The following JAK2 variants were observed in gnomAD, a reference collection of about 807,000 sequenced individuals.
The protein encoded by JAK2 is Janus kinase 2, also known as tyrosine-protein kinase JAK2.
JAK2 carries 86 observed loss-of-function variants against 139.3 expected under a neutral mutation model. The ratio of observed to expected loss-of-function variants is 0.62; its 90% CI spans 0.52 to 0.74. The LOEUF (loss-of-function observed/expected upper bound fraction) is 0.74. Among genes scored for constraint, JAK2 ranks in the 30% least tolerant of loss-of-function variants. The pLI is 0.00. For synonymous variants in JAK2, 490 were observed against 437.7 expected (o/e 1.12, Z -1.49); for missense variants, 1,421 against 1,360.3 (o/e 1.04, Z -0.70).
intron 4 of JAK2, among the ~76,000 whole-genome samples, chr9:5,030,421 T>C (rs1027177388): frequency 7.2e-5 from 11 of 152,138 alleles, no homozygotes; most frequent in Non-Finnish European, 1.5e-4. Context: ...CTCGAAAGGA[T>C]GAAACAAAGA....
Position 5,057,302 on chromosome 9 carries a change from T to A in JAK2, c.1056+1514T>A, listed in dbSNP as rs181027605. Among the ~76,000 whole-genome samples the A allele has an allele frequency of 3.3e-3, 505 of 152,258 alleles. 1 individual carries two copies. Among genetic ancestry groups the A allele is most frequent in the South Asian group, 4.8e-3 (23 of 4,828 alleles). ...AAGTAATTTTTGCTTATTATTGCATTTTCCCAGTGTATTATGTGTTAGTAA... is the reference window on the plus strand; with the variant it reads ...AAGTAATTTTTGCTTATTATTGCATATTCCCAGTGTATTATGTGTTAGTAA... On this transcript the variant is annotated intron_variant, in intron 8 of 24. Coordinates refer to ENST00000381652, the MANE Select transcript of JAK2 (RefSeq NM_004972.4).
intron 23 of JAK2, among the ~76,000 whole-genome samples, chr9:5,125,021 T>G (rs1377321545): frequency 6.6e-6 from 1 of 151,472 alleles, no homozygotes; most frequent in Non-Finnish European, 1.5e-5. Flanking sequence ...TAATTCATTC[T>G]AGGAATTATT....
intron 4 of JAK2, among the ~76,000 whole-genome samples, chr9:5,037,407 C>A (rs183922805): frequency 6.6e-6 from 1 of 152,084 alleles, no homozygotes; most frequent in Non-Finnish European, 1.5e-5. Context: ...CACATGCACA[C>A]GTATGTTTAT....
chr9:5,033,193 AG>A (rs1319590144), intron 4 of JAK2, among the ~76,000 whole-genome samples: 3 of 152,220 alleles, frequency 2.0e-5, no homozygotes, highest in Non-Finnish European at 2.9e-5. Flanking sequence ...AGAAGTTTAG[AG>A]AAAAAGGAAT....
At chr9:5,060,863 A>C (rs1387496377) in intron 8 of JAK2, among the ~76,000 whole-genome samples, 1 of 152,210 alleles carries the variant, frequency 6.6e-6, no homozygotes, top group African/African-American at 2.4e-5. Flanking sequence ...TAGCCTTACA[A>C]AATGTATTTC....
chr9:4,985,019 G>GGCGCACGCGCACTGCAGGACGC (rs1819860946), upstream of JAK2: 1 of 152,304 alleles, frequency 6.6e-6, no homozygotes, highest in Admixed American at 6.5e-5. Flanking sequence ...AGCACCGAGC[G>GGCGCACGCGCACTGCAGGACGC]GCGCACGCGC....
intron 14 of JAK2, among the ~76,000 whole-genome samples, chr9:5,075,191 T>C (rs1015636425): frequency 2.0e-5 from 3 of 151,816 alleles, no homozygotes; most frequent in African/African-American, 7.3e-5. Flanking sequence ...GTGCACAGCA[T>C]AAGTGCAAGG....
chr9:5,037,766 T>C (rs1266014832), intron 4 of JAK2, among the ~76,000 whole-genome samples: 1 of 152,002 alleles, frequency 6.6e-6, no homozygotes, highest in East Asian at 1.9e-4. Context: ...AAATGACGAG[T>C]TACTGGGTGC....
At chr9:5,125,084 AT>A (rs563590532) in intron 23 of JAK2, among the ~76,000 whole-genome samples, 11 of 151,050 alleles carry the variant, frequency 7.3e-5, no homozygotes, top group Non-Finnish European at 1.2e-4. Flanking sequence ...TCATCATAGA[AT>A]TTTTTTTAAT....
At chr9:5,095,475 A>G (rs1013588721) in intron 22 of JAK2, among the ~76,000 whole-genome samples, 1 of 152,184 alleles carries the variant, frequency 6.6e-6, no homozygotes, top group Non-Finnish European at 1.5e-5. Flanking sequence ...CCTCCGGGCA[A>G]TGGACAATAA....
chr9:5,111,050 G>A lies in JAK2; in HGVS notation c.3060-11954G>A, dbSNP rs928476299. Reference sequence around the variant, plus strand: ...TCCCTGGCCGGGGCGCAATTCAGAGGTTCAGGTCTTGAGAACTGGCCCAGC... The same window carrying A: ...TCCCTGGCCGGGGCGCAATTCAGAGATTCAGGTCTTGAGAACTGGCCCAGC... On this transcript the variant is annotated intron_variant, in intron 22 of 24. Coordinates refer to ENST00000381652, the MANE Select transcript of JAK2 (RefSeq NM_004972.4). 8 of 1,016,814 alleles carry A rather than the reference G, an allele frequency of 7.9e-6. 1 individual carries two copies. In the Admixed American group the frequency reaches 1.2e-4, roughly 16 times the overall value. The allele number at this position is 1,016,814 out of a possible 1,614,324, so 63.0% of individuals were successfully genotyped here. A position where few individuals can be genotyped will look rare whatever the true frequency, so the allele number is the denominator to read the frequency against.
At chr9:5,123,803 G>A (rs565763408) in intron 23 of JAK2, among the ~76,000 whole-genome samples, 1 of 151,516 alleles carries the variant, frequency 6.6e-6, no homozygotes, top group South Asian at 2.1e-4. Context: ...CCACACCCTT[G>A]CCAACATCTG....
intron 4 of JAK2, among the ~76,000 whole-genome samples, chr9:5,033,362 A>G (rs1823314453): frequency 6.6e-6 from 1 of 152,216 alleles, no homozygotes; most frequent in African/African-American, 2.4e-5. Context: ...GAGGCAGGCA[A>G]ACATTCAAAT....
intron 10 of JAK2, among the ~76,000 whole-genome samples, 169 bp from the exon 11 acceptor site, chr9:5,068,853 T>C (rs1247643224): frequency 2.0e-5 from 3 of 152,232 alleles, no homozygotes; most frequent in Non-Finnish European, 2.9e-5. Flanking sequence ...AAATTGTAAA[T>C]TGCCCTTTTG....
intron 22 of JAK2, among the ~76,000 whole-genome samples, chr9:5,093,175 T>C (rs2130698351): frequency 6.6e-6 from 1 of 152,340 alleles, no homozygotes; most frequent in Non-Finnish European, 1.5e-5. Context: ...AACAGCTAGA[T>C]ATTTTACAAT....
At chr9:5,087,705 A>T (rs1023466195) in intron 19 of JAK2, among the ~76,000 whole-genome samples, 2 of 152,216 alleles carry the variant, frequency 1.3e-5, no homozygotes, top group Non-Finnish European at 2.9e-5. Flanking sequence ...CCCACTGCTT[A>T]TTGGAACATC....
chr9:5,028,955 A>T (rs1471997219), intron 3 of JAK2, among the ~76,000 whole-genome samples: 2 of 152,166 alleles, frequency 1.3e-5, no homozygotes, highest in East Asian at 3.8e-4. Context: ...TCATTTATGT[A>T]TTTACTGCAG....
At chr9:4,985,823 C>T (rs1819919319) in intron 1 of JAK2, 117 bp from the exon 2 acceptor site, 2 of 152,534 alleles carry the variant, frequency 1.3e-5, no homozygotes, top group African/African-American at 4.8e-5. Context: ...TTATAATTCC[C>T]TCGCTCCCGC....
chr9:5,066,821 TTTA>T, intron 10 of JAK2, 32 bp downstream of exon 10: 1 of 932,040 alleles, frequency 1.1e-6, no homozygotes, highest in Non-Finnish European at 1.6e-6. Flanking sequence ...GTGGTAACAC[TTTA>T]TTTAGTTCAT....
Sources: gnomAD v4.1 joint callset for allele counts (sites outside exome capture counted in the v4.1 genomes callset) on GRCh38, gnomAD v4.1.1 for gene constraint, MANE v1.5 for transcripts, NCBI Gene and HGNC (gene_info 2026-07-23, HGNC 2026-07-21) for gene names.